CFAP54: variants seen among roughly 807,000 people sequenced by gnomAD.
The protein encoded by CFAP54 is cilia and flagella associated protein 54.
A neutral mutation model predicts 370.4 loss-of-function variants in CFAP54; 290 were observed. That is an observed-to-expected ratio of 0.78 (90% CI 0.71 to 0.86). The LOEUF is 0.86. Among genes scored for constraint, CFAP54 ranks in the 40% least tolerant of loss-of-function variants. CFAP54 has a pLI of 0.00. For missense variants in CFAP54, 3,399 were observed against 3,528.7 expected, an observed-to-expected ratio of 0.96 and a Z score of 0.93; for synonymous variants, 1,206 against 1,236.5, an observed-to-expected ratio of 0.98 and a Z score of 0.52.
At chr12:96,598,259 T>C (rs775034582) in intron 25 of CFAP54, among the ~76,000 whole-genome samples, 3 of 152,068 alleles carry the variant, frequency 2.0e-5, no homozygotes, top group Admixed American at 6.6e-5. Context: ...AATCACTATG[T>C]AATATTTAAT....
At chr12:96,826,357 TAC>T (rs1959102683) in intron 65 of CFAP54, among the ~76,000 whole-genome samples, 1 of 135,528 alleles carries the variant, frequency 7.4e-6, no homozygotes, top group African/African-American at 2.7e-5. Flanking sequence ...TACTTGAATA[TAC>T]ATATAGTTAT....
chr12:96,708,315 A>G (rs1466022815), intron 47 of CFAP54, among the ~76,000 whole-genome samples: 2 of 152,082 alleles, frequency 1.3e-5, no homozygotes, highest in African/African-American at 4.8e-5. Context: ...GTCTATTTTG[A>G]TAAAGAATCC....
At chr12:96,817,191 A>G (rs890186280) in intron 64 of CFAP54, among the ~76,000 whole-genome samples, 1 of 152,108 alleles carries the variant, frequency 6.6e-6, no homozygotes, top group Non-Finnish European at 1.5e-5. Flanking sequence ...ATCTTCAGCA[A>G]TATTTTAGAT....
chr12:96,666,308 A>G (rs1957080215), intron 39 of CFAP54, among the ~76,000 whole-genome samples: 3 of 152,124 alleles, frequency 2.0e-5, no homozygotes, highest in Non-Finnish European at 4.4e-5. Flanking sequence ...TATTAGTTTT[A>G]CTATGGTTAA....
rs187348422 is a variant in CFAP54 at position 96,872,627 on chromosome 12, A to G, written c.*15-2491A>G. Among the ~76,000 whole-genome samples the G allele has an allele frequency of 1.5e-3, 224 of 152,334 alleles. 1 individual carries two copies. Among genetic ancestry groups the G allele is most frequent in the African/African-American group, 5.1e-3 (210 of 41,574 alleles). Reference sequence around the variant, plus strand: ...GTTCTAAATGTGTTTCCATTTAATGATGAGACATTTTATTTTTTAACATCT... The same window carrying G: ...GTTCTAAATGTGTTTCCATTTAATGGTGAGACATTTTATTTTTTAACATCT... On this transcript the variant is annotated intron_variant, in intron 67 of 67. Coordinates refer to ENST00000524981, the MANE Select transcript of CFAP54 (RefSeq NM_001306084.2).
At chr12:96,528,926 T>C (rs1955411631) in intron 9 of CFAP54, among the ~76,000 whole-genome samples, 1 of 152,228 alleles carries the variant, frequency 6.6e-6, no homozygotes, top group African/African-American at 2.4e-5. Flanking sequence ...ACATTTGTTC[T>C]AAATTCAGCT....
chr12:96,601,693 A>C (rs1165268155), intron 26 of CFAP54, among the ~76,000 whole-genome samples: 1 of 152,158 alleles, frequency 6.6e-6, no homozygotes, highest in Non-Finnish European at 1.5e-5. Context: ...GAGAGGGTGT[A>C]TGTGTCCAGG....
intron 63 of CFAP54, among the ~76,000 whole-genome samples, chr12:96,795,355 T>C (rs1374416328): frequency 6.6e-6 from 1 of 152,192 alleles, no homozygotes; most frequent in Non-Finnish European, 1.5e-5. Context: ...GAAGAGATTA[T>C]GTCCTTTGTC....
chr12:96,570,272 C>A (rs909650399), intron 19 of CFAP54, among the ~76,000 whole-genome samples: 1 of 152,048 alleles, frequency 6.6e-6, no homozygotes, highest in East Asian at 1.9e-4. Flanking sequence ...CTGTGCCCAG[C>A]CTCAGCTCTT....
chr12:96,552,754 G>A (rs564598758), intron 15 of CFAP54, among the ~76,000 whole-genome samples: 4 of 152,162 alleles, frequency 2.6e-5, no homozygotes, highest in African/African-American at 9.7e-5. Flanking sequence ...ACTGGAGTAG[G>A]CTTATACTAG....
rs983382622 is a variant in CFAP54 at position 96,720,930 on chromosome 12, G to A, written c.6965+365G>A. Among the ~76,000 whole-genome samples, 4 of 151,900 alleles carry A rather than the reference G, an allele frequency of 2.6e-5. No homozygotes were observed. In the East Asian group the frequency reaches 7.8e-4, roughly 29 times the overall value. On this transcript the variant is annotated intron_variant, in intron 50 of 67. Transcript: ENST00000524981. Reference sequence around the variant, plus strand: ...AGCTACTCGGGAGGCTAAGGCAGGAGAATCACTTGAGCCCGGGAGGCAGAG... The same window carrying A: ...AGCTACTCGGGAGGCTAAGGCAGGAAAATCACTTGAGCCCGGGAGGCAGAG...
intron 55 of CFAP54, among the ~76,000 whole-genome samples, chr12:96,747,326 C>A (rs750446469): frequency 6.6e-6 from 1 of 152,176 alleles, no homozygotes; most frequent in Non-Finnish European, 1.5e-5. Context: ...AAAATAGGGA[C>A]TCCCCTTGGC....
At chr12:96,547,536 A>T (rs1174322331) in intron 14 of CFAP54, among the ~76,000 whole-genome samples, 1 of 152,084 alleles carries the variant, frequency 6.6e-6, no homozygotes, top group African/African-American at 2.4e-5. Flanking sequence ...GATGATATTG[A>T]CTTGTTGATA....
At chr12:96,526,952 T>G (rs886693961) in intron 8 of CFAP54, among the ~76,000 whole-genome samples, 12 of 141,842 alleles carry the variant, frequency 8.5e-5, no homozygotes, top group Admixed American at 4.6e-4. Flanking sequence ...TGGAGTGCAG[T>G]GGCATGACCT....
At chr12:96,676,027 T>C (rs1393226406) in intron 39 of CFAP54, among the ~76,000 whole-genome samples, 1 of 152,046 alleles carries the variant, frequency 6.6e-6, no homozygotes, top group Non-Finnish European at 1.5e-5. Context: ...CCATGGCACA[T>C]GTATACATAT....
intron 62 of CFAP54, among the ~76,000 whole-genome samples, chr12:96,787,293 AT>A (rs1236453853): frequency 2.6e-5 from 4 of 151,874 alleles, no homozygotes; most frequent in Non-Finnish European, 5.9e-5. Flanking sequence ...TGTGATAAAA[AT>A]TATTCATTGT....
rs182765391 is a variant in CFAP54, at chr12:96,684,516, G to A, written c.5717-132G>A. On this transcript the variant is annotated intron_variant, in intron 40 of 67. Transcript: ENST00000524981. ...TATATATCGTGTGACATTTGAAGGC[G>A]CTGTTAACTTGCAGTTTGCTTATTG... 1.3e-3 allele frequency: 833 copies of A among 660,152 alleles called. 7 individuals are homozygous for A. The highest frequency in any genetic ancestry group is 5.6e-3 in the Admixed American group (207 of 36,984). 40.9% of individuals were successfully genotyped at this position (660,152 alleles called of 1,614,324 possible).
At chr12:96,519,994 AACC>A (rs1955285237) in intron 6 of CFAP54, among the ~76,000 whole-genome samples, 1 of 152,028 alleles carries the variant, frequency 6.6e-6, no homozygotes. Context: ...TTTCTCTGCT[AACC>A]ACCATTTAGT....
intron 62 of CFAP54, among the ~76,000 whole-genome samples, chr12:96,789,859 G>A (rs1958669636): frequency 6.6e-6 from 1 of 152,116 alleles, no homozygotes; most frequent in Non-Finnish European, 1.5e-5. Flanking sequence ...TTTCACTGGG[G>A]TAGACAGCTA....
Sources: gnomAD v4.1 joint callset for allele counts (sites outside exome capture counted in the v4.1 genomes callset) on GRCh38, gnomAD v4.1.1 for gene constraint, MANE v1.5 for transcripts, NCBI Gene and HGNC (gene_info 2026-07-23, HGNC 2026-07-21) for gene names.